SPOCK1: variants seen among roughly 807,000 people sequenced by gnomAD.
SPOCK1 encodes the protein SPARC (osteonectin), cwcv and kazal like domains proteoglycan 1, also known as testican-1.
A neutral mutation model predicts 55.3 loss-of-function variants in SPOCK1; 23 were observed. That is an observed-to-expected ratio of 0.42 (90% CI 0.30 to 0.59). SPOCK1 has a LOEUF of 0.59. SPOCK1 is among the 20% of genes least tolerant of loss of function. The pLI is 0.22. For missense variants in SPOCK1, 499 were observed against 552.5 expected (o/e 0.90, Z 0.97); for synonymous variants, 226 against 221.0 (o/e 1.02, Z -0.20).
At chr5:137,285,110 G>A (rs1466837697) in intron 2 of SPOCK1, among the ~76,000 whole-genome samples, 1 of 152,182 alleles carries the variant, frequency 6.6e-6, no homozygotes, top group East Asian at 1.9e-4. Context: ...AGCACAGATT[G>A]GGCCCAACAG....
intron 6 of SPOCK1, among the ~76,000 whole-genome samples, chr5:137,052,308 A>C (rs1016380174): frequency 2.0e-5 from 3 of 152,200 alleles, no homozygotes; most frequent in African/African-American, 7.2e-5. Flanking sequence ...AGTGTCAGTC[A>C]CCTACCGTTA....
At chr5:137,444,369 T>C (rs1284793792) in intron 2 of SPOCK1, among the ~76,000 whole-genome samples, 2 of 152,230 alleles carry the variant, frequency 1.3e-5, no homozygotes, top group African/African-American at 4.8e-5. Context: ...AGGCTCTGCC[T>C]GGTGTCACAA....
intron 2 of SPOCK1, among the ~76,000 whole-genome samples, chr5:137,299,080 C>T (rs78199039): frequency 0.03 from 4,625 of 152,124 alleles, 241 homozygotes; most frequent in African/African-American, 0.1. Context: ...TTCATTTAAT[C>T]GAATATTTTT....
At chr5:137,499,114 C>G (rs1754383350) in intron 1 of SPOCK1, 65 bp downstream of exon 1, 1 of 152,206 alleles carries the variant, frequency 6.6e-6, no homozygotes, top group Non-Finnish European at 1.5e-5. Flanking sequence ...TGCCAGCCCC[C>G]TAGGCGGCCG....
chr5:137,434,802 C>A (rs1334523033), intron 2 of SPOCK1, among the ~76,000 whole-genome samples: 1 of 151,860 alleles, frequency 6.6e-6, no homozygotes, highest in Admixed American at 6.6e-5. Context: ...CGCCCGGCCT[C>A]CATTTCTTAA....
intron 2 of SPOCK1, among the ~76,000 whole-genome samples, chr5:137,319,946 C>T (rs1404141265): frequency 2.4e-5 from 2 of 82,106 alleles, no homozygotes; most frequent in East Asian, 6.6e-4. Context: ...AGCGAGACTC[C>T]GTCTCAAAAA....
At chr5:137,075,540 C>T (rs1013571081) in intron 5 of SPOCK1, among the ~76,000 whole-genome samples, 2 of 152,254 alleles carry the variant, frequency 1.3e-5, no homozygotes, top group African/African-American at 4.8e-5. Flanking sequence ...TAGCTTTGCT[C>T]ATTTTCTTAC....
chr5:137,417,997 T>G (rs1212035854), intron 2 of SPOCK1, among the ~76,000 whole-genome samples: 1 of 152,102 alleles, frequency 6.6e-6, no homozygotes, highest in Non-Finnish European at 1.5e-5. Context: ...ATGTTCCCCT[T>G]CCTGTGTCCA....
chr5:137,387,438 C>T (rs958719987), intron 2 of SPOCK1, among the ~76,000 whole-genome samples: 1 of 152,136 alleles, frequency 6.6e-6, no homozygotes, highest in Non-Finnish European at 1.5e-5. Flanking sequence ...TATATCCAGA[C>T]AATGGGATAT....
chr5:137,129,585 T>G (rs1477599989), intron 4 of SPOCK1, among the ~76,000 whole-genome samples: 2 of 152,138 alleles, frequency 1.3e-5, no homozygotes, highest in Non-Finnish European at 2.9e-5. Context: ...AGGGTCCTCA[T>G]GTACTCAGTC....
At chr5:137,282,641 G>A (rs996637975) in intron 2 of SPOCK1, among the ~76,000 whole-genome samples, 3 of 152,228 alleles carry the variant, frequency 2.0e-5, no homozygotes, top group Non-Finnish European at 2.9e-5. Context: ...GCCATTAAAG[G>A]TCCCTTCCTT....
intron 6 of SPOCK1, among the ~76,000 whole-genome samples, chr5:137,010,447 G>A (rs1751329274): frequency 6.6e-6 from 1 of 151,904 alleles, no homozygotes; most frequent in African/African-American, 2.4e-5. Context: ...AGGGAGAAAT[G>A]CATGTGTGTG....
Position 137,354,311 on chromosome 5 carries a change from GC to G in SPOCK1, c.187-87257del, listed in dbSNP as rs113981375. Among the ~76,000 whole-genome samples the G allele has an allele frequency of 1.6e-3, 242 of 152,116 alleles. 1 individual carries two copies. The highest frequency in any genetic ancestry group is 5.2e-3 in the African/African-American group (217 of 41,464). ...ATCAGAATAGTGGATGTGGATTTCT[GC>G]CCTTGCGAGGCCCTGCCCTCATTGG... On this transcript the variant is annotated intron_variant, in intron 2 of 10. Transcript: ENST00000394945.
At chr5:137,061,141 G>C (rs550525488) in intron 6 of SPOCK1, among the ~76,000 whole-genome samples, 11 of 152,328 alleles carry the variant, frequency 7.2e-5, no homozygotes, top group Admixed American at 2.6e-4. Flanking sequence ...GCAAGCCCAA[G>C]GCTTTCACTC....
At chr5:137,007,439 A>G (rs1426774684) in intron 6 of SPOCK1, among the ~76,000 whole-genome samples, 1 of 152,188 alleles carries the variant, frequency 6.6e-6, no homozygotes, top group African/African-American at 2.4e-5. Flanking sequence ...AGAAACTTAA[A>G]TTTATGAGAA....
intron 3 of SPOCK1, among the ~76,000 whole-genome samples, chr5:137,235,310 G>T (rs939912494): frequency 4.6e-5 from 7 of 152,176 alleles, no homozygotes; most frequent in Admixed American, 6.5e-5. Flanking sequence ...CAAGGTAAAA[G>T]GGTGTTTATG....
intron 3 of SPOCK1, among the ~76,000 whole-genome samples, chr5:137,202,406 T>G (rs548978257): frequency 6.6e-6 from 1 of 152,216 alleles, no homozygotes; most frequent in Non-Finnish European, 1.5e-5. Flanking sequence ...TCATGCAACA[T>G]GACAAACCAG....
intron 6 of SPOCK1, among the ~76,000 whole-genome samples, chr5:137,005,167 C>G (rs1483371756): frequency 3.9e-5 from 6 of 152,090 alleles, no homozygotes; most frequent in South Asian, 2.1e-4. Flanking sequence ...TACAGAGGAG[C>G]CATTTTTATA....
At chr5:137,273,520 C>G (rs1757009024) in intron 2 of SPOCK1, 1 of 306,156 alleles carries the variant, frequency 3.3e-6, no homozygotes, top group Admixed American at 6.5e-5. Context: ...CAGATATGCT[C>G]TCTTAATTCA....
Sources: allele counts gnomAD v4.1 joint callset (sites outside exome capture counted in the v4.1 genomes callset), GRCh38; gene constraint gnomAD v4.1.1; transcripts MANE v1.5; gene names NCBI Gene and HGNC (gene_info 2026-07-23, HGNC 2026-07-21).